The following PDE2A variants were observed in gnomAD, a reference collection of about 807,000 sequenced individuals.
PDE2A encodes cGMP-dependent 3',5'-cyclic phosphodiesterase.
In PDE2A, 53 loss-of-function variants were observed where a neutral mutation model predicts 133.6. That is an observed-to-expected ratio of 0.40 (90% CI 0.32 to 0.50). PDE2A has a LOEUF of 0.50. Among genes scored for constraint, PDE2A ranks in the 20% least tolerant of loss-of-function variants. The pLI is 0.73. For synonymous variants in PDE2A, 491 were observed against 490.2 expected (o/e 1.00, Z -0.02); for missense variants, 796 against 1,232.4 (o/e 0.65, Z 5.30).
chr11:72,611,452 C>T (rs1857208065), intron 2 of PDE2A, among the ~76,000 whole-genome samples: 1 of 152,174 alleles, frequency 6.6e-6, no homozygotes, highest in South Asian at 2.1e-4. Context: ...TCAACCTGCC[C>T]TTTGCTTCAA....
intron 1 of PDE2A, among the ~76,000 whole-genome samples, chr11:72,663,485 T>C (rs1352071597): frequency 2.0e-5 from 3 of 151,944 alleles, no homozygotes; most frequent in Non-Finnish European, 4.4e-5. Context: ...TCCCAGCACT[T>C]TGGGAGGTCA....
At chr11:72,661,375 C>T (rs895143271) in intron 1 of PDE2A, among the ~76,000 whole-genome samples, 2 of 152,112 alleles carry the variant, frequency 1.3e-5, no homozygotes, top group African/African-American at 4.8e-5. Flanking sequence ...ACAGCTATTC[C>T]TAACTCATTT....
intron 2 of PDE2A, among the ~76,000 whole-genome samples, chr11:72,641,005 C>G (rs1255636996): frequency 6.6e-6 from 1 of 152,204 alleles, no homozygotes; most frequent in Non-Finnish European, 1.5e-5. Context: ...TGATTACACA[C>G]AAGACACACC....
chr11:72,607,373 C>T (rs1408566769), intron 3 of PDE2A, among the ~76,000 whole-genome samples: 1 of 152,170 alleles, frequency 6.6e-6, no homozygotes, highest in East Asian at 1.9e-4. Context: ...GGCAGCCCTA[C>T]AGAAACCGAC....
intron 3 of PDE2A, among the ~76,000 whole-genome samples, chr11:72,606,704 C>T (rs1443236559): frequency 1.3e-5 from 2 of 152,172 alleles, no homozygotes; most frequent in East Asian, 3.9e-4. Flanking sequence ...TTCCAGCAGC[C>T]TGGGAGGGGC....
chr11:72,605,733 G>A (rs1319336032), intron 3 of PDE2A, among the ~76,000 whole-genome samples: 1 of 152,250 alleles, frequency 6.6e-6, no homozygotes, highest in African/African-American at 2.4e-5. Flanking sequence ...GCAGGGCACT[G>A]CGCCATCCTC....
At chr11:72,673,620 T>G (rs1157018901) in intron 1 of PDE2A, among the ~76,000 whole-genome samples, 1 of 152,018 alleles carries the variant, frequency 6.6e-6, no homozygotes, top group Non-Finnish European at 1.5e-5. Flanking sequence ...CAATTCCCAA[T>G]TCCATGGAAG....
intron 2 of PDE2A, among the ~76,000 whole-genome samples, chr11:72,639,321 G>A (rs1482286803): frequency 1.3e-5 from 2 of 152,178 alleles, no homozygotes; most frequent in African/African-American, 2.4e-5. Context: ...GGTCTTCCTG[G>A]TTGTCTCCAG....
intron 22 of PDE2A, 104 bp from the exon 23 acceptor site, chr11:72,581,583 A>G (rs1855728109): frequency 7.7e-7 from 1 of 1,305,962 alleles, no homozygotes; most frequent in Non-Finnish European, 1.1e-6. Context: ...GGGACCCTCC[A>G]CAGCCTTCCT....
chr11:72,578,009 G>C lies in PDE2A; in HGVS notation c.2615+224C>G, dbSNP rs927433392. Among the ~76,000 whole-genome samples, 13 of 152,208 alleles carry C rather than the reference G, an allele frequency of 8.5e-5. No individual in the cohort carries two copies. Among genetic ancestry groups the C allele is most frequent in the Non-Finnish European group, 1.6e-4 (11 of 68,024 alleles). On this transcript the variant is annotated intron_variant, in intron 30 of 30. Transcript: ENST00000334456. The surrounding 1 kb of genome is among the most constrained non-coding windows in gnomAD (Gnocchi z 4.2). The stretch of plus-strand genomic sequence containing the variant: ...AACTTCCACAAGAATGTGAGACAGA[G>C]GAGGACACCTAGGAAAGCATGATGG...
At chr11:72,606,967 A>G (rs922499265) in intron 3 of PDE2A, among the ~76,000 whole-genome samples, 1 of 152,180 alleles carries the variant, frequency 6.6e-6, no homozygotes, top group African/African-American at 2.4e-5. Flanking sequence ...GCCTGCCACA[A>G]TGGGTGCTGA....
chr11:72,624,572 G>A (rs1300148650), intron 2 of PDE2A, among the ~76,000 whole-genome samples: 1 of 152,076 alleles, frequency 6.6e-6, no homozygotes, highest in African/African-American at 2.4e-5. Context: ...AGACACTCGA[G>A]CCACAGACTC....
chr11:72,584,239 TC>T lies in PDE2A; in HGVS notation c.1611del (p.Thr538ArgfsTer20). On this transcript the variant is annotated frameshift_variant, in exon 19 of 31. Transcript: ENST00000334456. LOFTEE classifies it high-confidence loss of function. ...ATGCCGCAGTAGATGGAGAAGGCCGTCGCCAGGTCCTCGTCGAACTTGCTGA... is the reference window on the plus strand; with the variant it reads ...ATGCCGCAGTAGATGGAGAAGGCCGTGCCAGGTCCTCGTCGAACTTGCTGA... The part of the protein sequence containing the change: ...PWFSKFDEDL[A>X]TAFSIYCGIS... The T allele has an allele frequency of 6.2e-7, 1 of 1,608,988 alleles. No homozygotes were observed. The highest frequency in any genetic ancestry group is 8.5e-7 in the Non-Finnish European group (1 of 1,177,508).
intron 2 of PDE2A, among the ~76,000 whole-genome samples, chr11:72,633,686 G>A (rs1858534725): frequency 6.6e-6 from 1 of 152,190 alleles, no homozygotes; most frequent in Non-Finnish European, 1.5e-5. Context: ...GCTCTAGTCT[G>A]TGTCCCAAGG....
intron 1 of PDE2A, among the ~76,000 whole-genome samples, chr11:72,658,676 CT>C (rs895629501): frequency 4.6e-5 from 7 of 151,940 alleles, no homozygotes; most frequent in Non-Finnish European, 8.8e-5. Flanking sequence ...GGAAAATGAA[CT>C]TTTTTTTGGA....
intron 2 of PDE2A, among the ~76,000 whole-genome samples, chr11:72,612,420 A>G (rs1417735778): frequency 6.6e-6 from 1 of 151,948 alleles, no homozygotes; most frequent in Non-Finnish European, 1.5e-5. Flanking sequence ...AAACCAGGCA[A>G]TTTCCCAGAC....
chr11:72,613,796 T>A (rs562116239), intron 2 of PDE2A, among the ~76,000 whole-genome samples: 1 of 152,004 alleles, frequency 6.6e-6, no homozygotes, highest in Non-Finnish European at 1.5e-5. Context: ...AAACAGGGGG[T>A]GCCAGGCAAG....
intron 13 of PDE2A, 25 bp downstream of exon 13, chr11:72,588,759 T>G: frequency 6.3e-7 from 1 of 1,575,192 alleles, no homozygotes; most frequent in Non-Finnish European, 8.7e-7. Flanking sequence ...CATCTCCTGA[T>G]CTGCATCATC....
At chr11:72,596,195 G>C (rs921304875) in intron 6 of PDE2A, among the ~76,000 whole-genome samples, 1 of 152,086 alleles carries the variant, frequency 6.6e-6, no homozygotes, top group Non-Finnish European at 1.5e-5. Flanking sequence ...ATGCCCTCCT[G>C]GACATTATCC....
Sources: allele counts gnomAD v4.1 joint callset (sites outside exome capture counted in the v4.1 genomes callset), GRCh38; gene constraint gnomAD v4.1.1; non-coding constraint Gnocchi (gnomAD v3.1); transcripts MANE v1.5; gene names NCBI Gene and HGNC (gene_info 2026-07-23, HGNC 2026-07-21).